WWOX: variants seen among roughly 807,000 people sequenced by gnomAD.
WWOX encodes the protein WW domain containing oxidoreductase.
WWOX carries 69 observed loss-of-function variants against 46.2 expected under a neutral mutation model. The observed-to-expected ratio is 1.49, with a 90% CI of 1.23 to 1.82. The LOEUF is 1.82. WWOX is among the 40% of genes most tolerant of loss of function. The probability of loss-of-function intolerance (pLI) is 0.00; values close to 1 mark genes in which losing one functional copy is unlikely to be tolerated. For missense variants in WWOX, 919 were observed against 542.6 expected, an observed-to-expected ratio of 1.69 and a Z score of -6.89; for synonymous variants, 359 against 202.6, an observed-to-expected ratio of 1.77 and a Z score of -6.56.
rs528516915 is a variant in WWOX at position 78,671,243 on chromosome 16, C to T, written c.1056+238491C>T. On this transcript the variant is annotated intron_variant, in intron 8 of 8. Coordinates refer to ENST00000566780, the MANE Select transcript of WWOX (RefSeq NM_016373.4). ...TTCGAGACCAGCCTGGGCAACAAGG[C>T]GAGACCCCGTCTCTACAAAAAATAC... Among the ~76,000 whole-genome samples, 54 of 152,032 alleles carry T rather than the reference C, an allele frequency of 3.6e-4. 1 individual carries two copies. The highest frequency in any genetic ancestry group is 6.3e-4 in the South Asian group (3 of 4,794).
intron 8 of WWOX, among the ~76,000 whole-genome samples, chr16:78,560,362 G>A (rs908178276): frequency 6.6e-6 from 1 of 152,206 alleles, no homozygotes; most frequent in East Asian, 1.9e-4. Flanking sequence ...AACATTAGTG[G>A]CCAGGTGCGG....
chr16:78,900,581 A>T (rs1421643412), intron 8 of WWOX, among the ~76,000 whole-genome samples: 1 of 152,170 alleles, frequency 6.6e-6, no homozygotes, highest in African/African-American at 2.4e-5. Flanking sequence ...GGTTATTTGT[A>T]ACCAGTACAC....
intron 8 of WWOX, among the ~76,000 whole-genome samples, chr16:79,184,382 C>G (rs907513094): frequency 6.6e-6 from 1 of 152,158 alleles, no homozygotes; most frequent in Admixed American, 6.5e-5. Context: ...CAAAGTGTGT[C>G]CATGGGGGCA....
At chr16:78,804,258 GC>G (rs1449486632) in intron 8 of WWOX, among the ~76,000 whole-genome samples, 1 of 151,866 alleles carries the variant, frequency 6.6e-6, no homozygotes, top group Non-Finnish European at 1.5e-5. Flanking sequence ...AATTCTGAGG[GC>G]TGACACTGCC....
chr16:78,892,150 A>G (rs1406971538), intron 8 of WWOX: 1 of 152,152 alleles, frequency 6.6e-6, no homozygotes, highest in African/African-American at 2.4e-5. Flanking sequence ...CTAATTTTCT[A>G]CTGGCAGTGA....
chr16:78,336,180 G>C (rs2080883878), intron 5 of WWOX, among the ~76,000 whole-genome samples: 1 of 151,904 alleles, frequency 6.6e-6, no homozygotes, highest in African/African-American at 2.4e-5. Flanking sequence ...CCAATGAAAT[G>C]AAAAGCCTAC....
intron 6 of WWOX, among the ~76,000 whole-genome samples, chr16:78,422,836 TATACATATACAC>T (rs2099220355): frequency 1.0e-4 from 11 of 106,682 alleles, no homozygotes; most frequent in East Asian, 2.8e-4. Flanking sequence ...CATATATATA[TATACATATACAC>T]ACACACACAC....
At chr16:78,825,799 G>C (rs776892594) in intron 8 of WWOX, 73 of 594,942 alleles carry the variant, frequency 1.2e-4, no homozygotes, top group Non-Finnish European at 2.0e-4. Flanking sequence ...TGTGCCATGT[G>C]CTGCTCAGAT....
At chr16:78,730,200 T>A (rs8047442) in intron 8 of WWOX, among the ~76,000 whole-genome samples, 2 of 151,900 alleles carry the variant, frequency 1.3e-5, no homozygotes, top group Admixed American at 6.6e-5. Flanking sequence ...TGGTTACATA[T>A]GGTCAAGTTG....
At chr16:78,149,490 T>C (rs937042529) in intron 4 of WWOX, among the ~76,000 whole-genome samples, 2 of 152,238 alleles carry the variant, frequency 1.3e-5, no homozygotes, top group African/African-American at 4.8e-5. Context: ...AATGCATCAC[T>C]GTCTGGGAAT....
chr16:78,744,309 G>T (rs905672171), intron 8 of WWOX, among the ~76,000 whole-genome samples: 4 of 151,908 alleles, frequency 2.6e-5, no homozygotes, highest in Non-Finnish European at 4.4e-5. Context: ...GTCTCAGAAG[G>T]TACATGTGAC....
At chr16:78,400,582 C>T (rs1001222639) in intron 6 of WWOX, among the ~76,000 whole-genome samples, 1 of 152,068 alleles carries the variant, frequency 6.6e-6, no homozygotes, top group African/African-American at 2.4e-5. Context: ...CCAACTTGGC[C>T]CATGAATCCA....
At chr16:78,861,210 C>T (rs943835074) in intron 8 of WWOX, among the ~76,000 whole-genome samples, 2 of 152,082 alleles carry the variant, frequency 1.3e-5, no homozygotes, top group Non-Finnish European at 2.9e-5. Flanking sequence ...CTGTTGAAGG[C>T]CTGAATAAAA....
At chr16:78,263,996 C>CTTTTTTTTT (rs757195574) in intron 5 of WWOX, among the ~76,000 whole-genome samples, 4,728 of 78,464 alleles carry the variant, frequency 0.06, 1,081 homozygotes, top group East Asian at 0.097. Flanking sequence ...GCTGTGAAAT[C>CTTTTTTTTT]TTTTTTTTTT....
At chr16:78,632,115 G>C (rs1003555401) in intron 8 of WWOX, among the ~76,000 whole-genome samples, 6 of 152,156 alleles carry the variant, frequency 3.9e-5, no homozygotes, top group Non-Finnish European at 8.8e-5. Context: ...CTGCTTGATA[G>C]AAAAACACTT....
At chr16:79,074,473 C>G (rs71398129) in intron 8 of WWOX, among the ~76,000 whole-genome samples, 12 of 107,700 alleles carry the variant, frequency 1.1e-4, no homozygotes, top group African/African-American at 4.1e-4. Context: ...GAGAGGCTGG[C>G]TGACCCATCA....
At chr16:78,725,339 CTTTTCTTTTTTTT>C (rs1407500087) in intron 8 of WWOX, among the ~76,000 whole-genome samples, 4 of 86,776 alleles carry the variant, frequency 4.6e-5, no homozygotes, top group South Asian at 3.9e-4. Context: ...CTTTTCTTTT[CTTTTCTTTTTTTT>C]TTTTTTTTTT....
chr16:78,344,453 G>A (rs1367556312), intron 5 of WWOX, among the ~76,000 whole-genome samples: 1 of 121,516 alleles, frequency 8.2e-6, no homozygotes, highest in African/African-American at 2.8e-5. Flanking sequence ...CGAGGAACCT[G>A]TTCTCTTATG....
At chr16:79,092,865 C>T (rs1403633962) in intron 8 of WWOX, among the ~76,000 whole-genome samples, 1 of 152,154 alleles carries the variant, frequency 6.6e-6, no homozygotes, top group Non-Finnish European at 1.5e-5. Flanking sequence ...AACCCCCCAG[C>T]TCCATAGGAG....
Sources: allele counts gnomAD v4.1 joint callset (sites outside exome capture counted in the v4.1 genomes callset), GRCh38; gene constraint gnomAD v4.1.1; transcripts MANE v1.5; gene names NCBI Gene and HGNC (gene_info 2026-07-23, HGNC 2026-07-21).